The following HECTD2 variants were observed in gnomAD, a reference collection of about 807,000 sequenced individuals.
The protein encoded by HECTD2 is HECT domain E3 ubiquitin protein ligase 2, also known as probable E3 ubiquitin-protein ligase HECTD2.
In HECTD2, 35 loss-of-function variants were observed where a neutral mutation model predicts 103.2. The observed-to-expected ratio is 0.34, with a 90% CI of 0.26 to 0.45. HECTD2 has a LOEUF of 0.45. Among genes scored for constraint, HECTD2 ranks in the 20% least tolerant of loss-of-function variants. The pLI, the probability that HECTD2 is intolerant of heterozygous loss-of-function variation, is 1.00. For missense variants in HECTD2, 596 were observed against 937.4 expected (o/e 0.64, Z 4.76); for synonymous variants, 281 against 329.9 (o/e 0.85, Z 1.61).
At chr10:91,509,601 T>C (rs962772071) in intron 20 of HECTD2, among the ~76,000 whole-genome samples, 1 of 151,762 alleles carries the variant, frequency 6.6e-6, no homozygotes, top group Non-Finnish European at 1.5e-5. Flanking sequence ...ATGCAGCCAT[T>C]AAAAAAAAGA....
Position 91,491,236 on chromosome 10 carries a change from C to A in HECTD2, c.1228C>A (p.Pro410Thr). ...GGATAAAGTATCTCGAAGACAGAGACCTGATATGAATATATTATTTCTAAA... is the reference window on the plus strand; with the variant it reads ...GGATAAAGTATCTCGAAGACAGAGAACTGATATGAATATATTATTTCTAAA... ...LVDKVSRRQR[P>T]DMNILFLNMK... Residue 410 changes from proline to threonine, a missense_variant, in exon 12 of 21, where the codon CCT (proline) becomes ACT (threonine). By Grantham distance (38) the Pro-to-Thr change is conservative. Transcript: ENST00000298068. The A allele has an allele frequency of 6.3e-7, 1 of 1,584,454 alleles. No homozygotes were observed. The highest frequency in any genetic ancestry group is 8.6e-7 in the Non-Finnish European group (1 of 1,158,688).
rs534307843 is a variant in HECTD2 at position 91,416,327 on chromosome 10, C to T, written c.138+5751C>T. ...ATTTAGAAAAAAACCTTGTACAAAG[C>T]ACTCAGTGTTAGATGAGATTATTAA... On this transcript the variant is annotated intron_variant, in intron 1 of 20. Transcript: ENST00000298068. Among the ~76,000 whole-genome samples the T allele has an allele frequency of 3.0e-4, 45 of 152,256 alleles. 1 individual carries two copies. In the South Asian group the frequency reaches 9.1e-3, roughly 31 times the overall value.
At chr10:91,484,717 T>A in intron 9 of HECTD2, 62 bp downstream of exon 9, 1 of 1,335,000 alleles carries the variant, frequency 7.5e-7, no homozygotes, top group Non-Finnish European at 1.0e-6. Flanking sequence ...GGATATTTCT[T>A]AAGGATTTCA....
chr10:91,467,397 G>A (rs541312071), intron 5 of HECTD2, among the ~76,000 whole-genome samples: 27 of 152,266 alleles, frequency 1.8e-4, no homozygotes, highest in African/African-American at 5.8e-4. Flanking sequence ...CTTTAGCCTT[G>A]AGAAGACTGT....
At chr10:91,412,668 A>ATGTGTGTGTGTGTGTGTGTGTG (rs58691011) in intron 1 of HECTD2, among the ~76,000 whole-genome samples, 30 of 147,264 alleles carry the variant, frequency 2.0e-4, no homozygotes, top group African/African-American at 5.8e-4. Context: ...CTGTGGCAGA[A>ATGTGTGTGTGTGTGTGTGTGTG]TGTGTGTGTG....
At position 91,497,391 on chromosome 10, in the gene HECTD2, A is replaced by G. The variant is rs551973729; in HGVS notation, c.1681-717A>G. 5.5e-5 allele frequency among the ~76,000 whole-genome samples: 8 copies of G among 146,556 alleles called. No individual in the cohort carries two copies. In the East Asian group the frequency reaches 1.6e-3, roughly 29 times the overall value. On this transcript the variant is annotated intron_variant, in intron 15 of 20. Coordinates refer to ENST00000298068, the MANE Select transcript of HECTD2 (RefSeq NM_182765.6). The stretch of plus-strand genomic sequence containing the variant: ...CTGCAACCTCCACCTCCCAGGTCCG[A>G]GCAATTCTCCTGCCTCAGCCTCCCG...
chr10:91,501,604 C>A (rs1399919555), intron 20 of HECTD2, among the ~76,000 whole-genome samples: 1 of 151,956 alleles, frequency 6.6e-6, no homozygotes, highest in African/African-American at 2.4e-5. Flanking sequence ...AACCTAGTTA[C>A]TTTGTAGTAG....
In HECTD2 at chr10:91,462,851, A is replaced by G. The variant is rs1845403192; in HGVS notation, c.600+667A>G. 6.9e-6 allele frequency: 5 copies of G among 728,120 alleles called. No homozygotes were observed. In the South Asian group the frequency reaches 2.5e-4, roughly 36 times the overall value. 45.1% of individuals were successfully genotyped at this position (728,120 alleles called of 1,614,324 possible). A position where few individuals can be genotyped will look rare whatever the true frequency, so the allele number is the denominator to read the frequency against. Reference sequence around the variant, plus strand: ...ATTGACATCTTTTCAATCCATAAGCATACTGTATCCTTTTAGGTACCTAGG... The same window carrying G: ...ATTGACATCTTTTCAATCCATAAGCGTACTGTATCCTTTTAGGTACCTAGG... On this transcript the variant is annotated intron_variant, in intron 5 of 20. Transcript: ENST00000298068.
chr10:91,466,977 C>T (rs201937944), intron 5 of HECTD2, among the ~76,000 whole-genome samples: 10 of 151,780 alleles, frequency 6.6e-5, no homozygotes, highest in South Asian at 2.1e-4. Flanking sequence ...ACATCTGCCA[C>T]GGAGAGACTG....
chr10:91,498,026 G>A, intron 15 of HECTD2, 82 bp from the exon 16 acceptor site: 1 of 843,346 alleles, frequency 1.2e-6, no homozygotes, highest in Non-Finnish European at 2.0e-6. Flanking sequence ...ATATACATAT[G>A]CATGAGCTAT....
intron 2 of HECTD2, among the ~76,000 whole-genome samples, chr10:91,450,259 A>T (rs1844747637): frequency 6.6e-6 from 1 of 152,194 alleles, no homozygotes; most frequent in Non-Finnish European, 1.5e-5. Flanking sequence ...AACCTGATAA[A>T]AACAAGCAAT....
chr10:91,450,784 G>A (rs538144661), intron 2 of HECTD2, among the ~76,000 whole-genome samples: 25 of 152,078 alleles, frequency 1.6e-4, no homozygotes, highest in Non-Finnish European at 3.4e-4. Context: ...ATCATCACTG[G>A]TCATTAGAAA....
At chr10:91,444,494 T>C (rs1047746577) in intron 2 of HECTD2, among the ~76,000 whole-genome samples, 1 of 152,190 alleles carries the variant, frequency 6.6e-6, no homozygotes, top group African/African-American at 2.4e-5. Context: ...ACACACTATG[T>C]TAATGGAACT....
chr10:91,478,623 G>A (rs2133268063), intron 6 of HECTD2, among the ~76,000 whole-genome samples: 1 of 152,216 alleles, frequency 6.6e-6, no homozygotes, highest in East Asian at 1.9e-4. Flanking sequence ...GGTAGCCAGA[G>A]TGAAATTTTT....
intron 2 of HECTD2, among the ~76,000 whole-genome samples, chr10:91,449,974 A>G (rs931864490): frequency 1.3e-5 from 2 of 152,178 alleles, no homozygotes; most frequent in Non-Finnish European, 2.9e-5. Context: ...TATAGATTCA[A>G]TGCTATCCCC....
intron 18 of HECTD2, 121 bp downstream of exon 18, chr10:91,499,271 A>AATT: frequency 1.6e-6 from 1 of 619,876 alleles, no homozygotes; most frequent in Non-Finnish European, 2.7e-6. Context: ...TCTACTTTTT[A>AATT]AAAGTAGAAC....
intron 18 of HECTD2, 112 bp from the exon 19 acceptor site, chr10:91,500,383 ATGGTTTG>A: frequency 4.2e-6 from 2 of 480,820 alleles, no homozygotes; most frequent in East Asian, 3.5e-5. Flanking sequence ...TTCAACAAAA[ATGGTTTG>A]ATTTACTATG....
intron 1 of HECTD2, among the ~76,000 whole-genome samples, chr10:91,419,053 C>T (rs1443436679): frequency 2.6e-5 from 4 of 152,086 alleles, no homozygotes; most frequent in South Asian, 2.1e-4. Flanking sequence ...TAGTGAGATA[C>T]GGCTTTTAAA....
chr10:91,450,190 G>A (rs1844743068), intron 2 of HECTD2, among the ~76,000 whole-genome samples: 1 of 151,984 alleles, frequency 6.6e-6, no homozygotes, highest in African/African-American at 2.4e-5. Context: ...TAAACCAATG[G>A]AACAGCATAG....
Sources: gnomAD v4.1 joint callset for allele counts (sites outside exome capture counted in the v4.1 genomes callset) on GRCh38, gnomAD v4.1.1 for gene constraint, MANE v1.5 for transcripts, NCBI Gene and HGNC (gene_info 2026-07-23, HGNC 2026-07-21) for gene names.